The following SQLE variants were observed in gnomAD, a reference collection of about 807,000 sequenced individuals.
SQLE encodes squalene epoxidase.
In SQLE, 29 loss-of-function variants were observed where a neutral mutation model predicts 60.7. The ratio of observed to expected loss-of-function variants is 0.48; its 90% confidence interval spans 0.36 to 0.65. The LOEUF is 0.65. Among genes scored for constraint, SQLE ranks in the 30% least tolerant of loss-of-function variants. SQLE has a pLI of 0.00. For missense variants in SQLE, 605 were observed against 684.1 expected, an observed-to-expected ratio of 0.88 and a Z score of 1.29; for synonymous variants, 237 against 246.8, an observed-to-expected ratio of 0.96 and a Z score of 0.37.
At chr8:125,017,808 T>A in intron 7 of SQLE, 2 of 469,652 alleles carry the variant, frequency 4.3e-6, no homozygotes, top group South Asian at 5.2e-5. Context: ...TATATGAGCT[T>A]CATGAGGGCA....
In SQLE at chr8:125,003,436, C is replaced by A. The variant is rs776071868; in HGVS notation, c.544+8C>A. On this transcript the variant is annotated splice_region_variant and intron_variant, in intron 2 of 10. Coordinates refer to ENST00000265896, the MANE Select transcript of SQLE (RefSeq NM_003129.4). The stretch of plus-strand genomic sequence containing the variant: ...AAGACCTTGGTCTTGGAGGTAGGTT[C>A]ATATTGATTTTCAGGAGAGTTACGT... The A allele has an allele frequency of 6.8e-6, 11 of 1,612,928 alleles. No homozygotes were observed. Among genetic ancestry groups the A allele is most frequent in the Middle Eastern group, 1.7e-4 (1 of 6,048 alleles).
chr8:125,007,536 G>C, intron 4 of SQLE, 49 bp downstream of exon 4: 1 of 1,307,080 alleles, frequency 7.7e-7, no homozygotes, highest in South Asian at 1.4e-5. Context: ...TGTTTTTCCT[G>C]CTTTTTCACT....
chr8:124,999,816 T>C, intron 1 of SQLE, 122 bp downstream of exon 1: 3 of 1,220,718 alleles, frequency 2.5e-6, no homozygotes, highest in Non-Finnish European at 3.3e-6. Flanking sequence ...TACATTCTCA[T>C]GTATTTTTTA....
chr8:125,006,948 C>T (rs1168949265), intron 3 of SQLE, among the ~76,000 whole-genome samples: 1 of 152,038 alleles, frequency 6.6e-6, no homozygotes, highest in Non-Finnish European at 1.5e-5. Flanking sequence ...TGTGATCCGC[C>T]CACCTTGGCC....
Position 125,021,871 on chromosome 8 carries a change from G to A in SQLE, c.1651G>A (p.Gly551Ser). The A allele has an allele frequency of 2.5e-6, 4 of 1,610,954 alleles. No homozygotes were observed. The highest frequency in any genetic ancestry group is 3.4e-6 in the Non-Finnish European group (4 of 1,178,290). ...ITKPRALLSS[G>S]AVLYKACSVI... ...AAAACCTCGAGCCCTTCTCAGTAGT[G>A]GTGCTGTATTGTACAAAGCGTGTTC... The change falls in exon 11 of 11, where the codon GGT (glycine) becomes AGT (serine). Residue 551 changes from glycine to serine, a missense_variant. By Grantham distance (56) the Gly-to-Ser change is moderately conservative (BLOSUM62 0). Transcript: ENST00000265896.
chr8:125,020,951 T>A, intron 10 of SQLE, 80 bp downstream of exon 10: 1 of 960,498 alleles, frequency 1.0e-6, no homozygotes, highest in South Asian at 1.4e-5. Context: ...TGCAAATCTT[T>A]CTTCCTTACA....
At position 124,999,605 on chromosome 8, in the gene SQLE, G is replaced by C. The variant is rs1392139138; in HGVS notation, c.202G>C (p.Asp68His). The C allele has an allele frequency of 6.2e-7, 1 of 1,613,486 alleles. No individual in the cohort carries two copies. Among genetic ancestry groups the C allele is most frequent in the African/African-American group, 1.3e-5 (1 of 74,884 alleles). The change falls in exon 1 of 11, where the codon GAT (aspartate) becomes CAT (histidine). Residue 68 changes from aspartate to histidine, a missense_variant. Asp to His is a moderately conservative substitution (Grantham distance 81, BLOSUM62 -1). Coordinates refer to ENST00000265896, the MANE Select transcript of SQLE (RefSeq NM_003129.4). The stretch of plus-strand genomic sequence containing the variant: ...CGGCTCCCAGTTCGCCCTCTTCTCG[G>C]ATATTCTCTCAGGCCTGCCTTTCAT... ...QSGSQFALFS[D>H]ILSGLPFIGF...
At chr8:125,003,146 T>G in intron 1 of SQLE, 30 bp from the exon 2 acceptor site, 2 of 1,551,814 alleles carry the variant, frequency 1.3e-6, no homozygotes, top group Non-Finnish European at 1.7e-6. Context: ...CAAATTTGGA[T>G]ACCTAGTTTA....
chr8:125,004,825 T>C (rs1265993154), intron 2 of SQLE, among the ~76,000 whole-genome samples: 1 of 152,110 alleles, frequency 6.6e-6, no homozygotes, highest in African/African-American at 2.4e-5. Context: ...ACTTTAAAAA[T>C]GTGATATTTT....
chr8:125,017,623 C>G (rs1815130215), intron 7 of SQLE, among the ~76,000 whole-genome samples: 2 of 152,192 alleles, frequency 1.3e-5, no homozygotes, highest in South Asian at 4.1e-4. Flanking sequence ...ACTGGCCAAG[C>G]TGGTACCCAG....
intron 1 of SQLE, among the ~76,000 whole-genome samples, chr8:125,000,369 TTTTTCCCAAGAG>T (rs1814824803): frequency 6.6e-6 from 1 of 152,210 alleles, no homozygotes; most frequent in Non-Finnish European, 1.5e-5. Context: ...GTGTTCGGGC[TTTTTCCCAAGAG>T]TTCTCCCAAG....
chr8:125,020,700 GTTAT>G (rs1815189106), intron 9 of SQLE, 80 bp from the exon 10 acceptor site: 4 of 833,386 alleles, frequency 4.8e-6, no homozygotes, highest in African/African-American at 1.7e-5. Context: ...TGTAGCGTTT[GTTAT>G]TTCTCATTTT....
At chr8:125,018,748 G>A (rs1185672796) in intron 9 of SQLE, 21 bp downstream of exon 9, 3 of 1,477,000 alleles carry the variant, frequency 2.0e-6, no homozygotes. Flanking sequence ...ACACTTTTTA[G>A]TGAATATTAC....
chr8:125,003,419 G>A lies in SQLE; in HGVS notation c.535G>A (p.Gly179Ser). Reference protein sequence around the residue: ...PGGYHVLKDLGLGDTVEGLDA... With the variant: ...PGGYHVLKDLSLGDTVEGLDA... ...TGGTTATCATGTTCTCAAAGACCTT[G>A]GTCTTGGAGGTAGGTTCATATTGAT... is the stretch of plus-strand genomic sequence containing the variant. The change falls in exon 2 of 11, where the codon GGT (glycine) becomes AGT (serine). Residue 179 changes from glycine (G) to serine (S), a missense_variant. Physicochemically the swap from Gly to Ser is moderately conservative, Grantham distance 56. Coordinates refer to ENST00000265896, the MANE Select transcript of SQLE (RefSeq NM_003129.4). The A allele has an allele frequency of 6.2e-7, 1 of 1,613,784 alleles. No homozygotes were observed. Among genetic ancestry groups the A allele is most frequent in the Non-Finnish European group, 8.5e-7 (1 of 1,179,782 alleles).
intron 1 of SQLE, 50 bp downstream of exon 1, chr8:124,999,744 T>C: frequency 6.6e-7 from 1 of 1,517,264 alleles, no homozygotes; most frequent in South Asian, 1.3e-5. Flanking sequence ...AGGAGTAGGA[T>C]TGGGTTCACT....
rs1019972817 is a variant in SQLE, at chr8:125,016,038, T to C, written c.1205-2021T>C. On this transcript the variant is annotated intron_variant, in intron 7 of 10. Transcript: ENST00000265896. This position sits in a 1 kb window ranked among gnomAD's most constrained non-coding sequence, Gnocchi z 4.1. ...TAGGATCTTTTCTATATCCTTGACC[T>C]TTGGGAGTTTGATTATTAAATGGCT... is the stretch of plus-strand genomic sequence containing the variant. Among the ~76,000 whole-genome samples, 5 of 152,176 alleles carry C rather than the reference T, an allele frequency of 3.3e-5. No homozygotes were observed. Among genetic ancestry groups the C allele is most frequent in the Non-Finnish European group, 5.9e-5 (4 of 68,028 alleles).
chr8:125,007,604 T>C, intron 4 of SQLE, 117 bp downstream of exon 4: 2 of 607,028 alleles, frequency 3.3e-6, no homozygotes, highest in Non-Finnish European at 5.6e-6. Flanking sequence ...TTATCTGAAA[T>C]GCTAGGGATC....
At position 125,001,449 on chromosome 8, in the gene SQLE, GGTGTGT is replaced by G. The variant is rs57946751; in HGVS notation, c.292-1692_292-1687del. ...TTTTCCTCCAGAGCTCTCCTTTCAG[GGTGTGT>G]GTGTGTGTGTGTGTGTGTGTGTGTG... On this transcript the variant is annotated intron_variant, in intron 1 of 10. Transcript: ENST00000265896. Among the ~76,000 whole-genome samples the G allele has an allele frequency of 6.6e-4, 90 of 137,020 alleles. 1 individual carries two copies. The highest frequency in any genetic ancestry group is 1.5e-3 in the South Asian group (6 of 4,030). The allele number at this position is 137,020 out of a possible 152,430, so 89.9% of individuals were successfully genotyped here. A position where few individuals can be genotyped will look rare whatever the true frequency, so the allele number is the denominator to read the frequency against.
chr8:125,014,981 ATC>A (rs1815089970), intron 7 of SQLE, among the ~76,000 whole-genome samples: 1 of 152,114 alleles, frequency 6.6e-6, no homozygotes, highest in Non-Finnish European at 1.5e-5. Context: ...TGTCTGGATG[ATC>A]TATTCAGTGC....
Sources: gnomAD v4.1 joint callset for allele counts (sites outside exome capture counted in the v4.1 genomes callset) on GRCh38, gnomAD v4.1.1 for gene constraint, Gnocchi (gnomAD v3.1) non-coding constraint, MANE v1.5 for transcripts, NCBI Gene and HGNC (gene_info 2026-07-23, HGNC 2026-07-21) for gene names.